The following NELL1 variants were observed in gnomAD, a reference collection of about 807,000 sequenced individuals.
NELL1 encodes the protein protein kinase C-binding protein NELL1.
NELL1 carries 76 observed loss-of-function variants against 107.4 expected under a neutral mutation model. That is an observed-to-expected ratio of 0.71 (90% confidence interval 0.59 to 0.86). The LOEUF (loss-of-function observed/expected upper bound fraction) is 0.86, where lower values mean the gene tolerates loss of function less well. Among genes scored for constraint, NELL1 ranks in the 40% least tolerant of loss-of-function variants. The probability of loss-of-function intolerance (pLI) is 0.00; values close to 1 mark genes in which losing one functional copy is unlikely to be tolerated. For missense variants in NELL1, 1,024 were observed against 1,005.5 expected (o/e 1.02, Z -0.25); for synonymous variants, 353 against 341.2 (o/e 1.03, Z -0.38).
chr11:21,232,148 A>AAG lies in NELL1; in HGVS notation c.1549+2695_1549+2696insGA, dbSNP rs200737626. ...AACTCCATCTCTACTAAAAAAAAATAAAAAAAAAAAAATATATATATATAT... is the reference window on the plus strand; with the variant it reads ...AACTCCATCTCTACTAAAAAAAAATAAGAAAAAAAAAAAATATATATATATAT... On this transcript the variant is annotated intron_variant, in intron 14 of 19. Transcript: ENST00000357134. Among the ~76,000 whole-genome samples the AAG allele has an allele frequency of 5.5e-4, 3 of 5,500 alleles. 1 individual carries two copies. The South Asian group carries it at 0.052, about 95-fold the overall frequency. The allele number at this position is 5,500 out of a possible 152,430, so 3.6% of individuals were successfully genotyped here. A position where few individuals can be genotyped will look rare whatever the true frequency, so the allele number is the denominator to read the frequency against.
At chr11:20,878,131 C>T (rs1259452476) in intron 4 of NELL1, among the ~76,000 whole-genome samples, 1 of 151,890 alleles carries the variant, frequency 6.6e-6, no homozygotes, top group South Asian at 2.1e-4. Context: ...GAGGCTGAGG[C>T]GGGTGGATCA....
chr11:20,997,727 G>A (rs1045227683), intron 12 of NELL1, among the ~76,000 whole-genome samples: 26 of 152,148 alleles, frequency 1.7e-4, no homozygotes, highest in African/African-American at 3.9e-4. Flanking sequence ...GGTGGCTTAC[G>A]CCTGTAATCT....
chr11:20,674,448 C>G, intron 1 of NELL1: 1 of 1,497,592 alleles, frequency 6.7e-7, no homozygotes, highest in South Asian at 1.2e-5. Flanking sequence ...GTACCAGTAT[C>G]TTTTTACACA....
At chr11:21,363,455 C>G (rs1851132676) in intron 14 of NELL1, among the ~76,000 whole-genome samples, 2 of 152,114 alleles carry the variant, frequency 1.3e-5, no homozygotes, top group African/African-American at 4.8e-5. Context: ...AGTTTTTCAC[C>G]TGTTTCACAG....
intron 3 of NELL1, among the ~76,000 whole-genome samples, chr11:20,835,932 T>G (rs1054374361): frequency 1.3e-5 from 2 of 152,116 alleles, no homozygotes; most frequent in African/African-American, 4.8e-5. Flanking sequence ...TTAAGTTAGA[T>G]TTTTATTAAA....
chr11:21,077,204 C>A (rs1854156861), intron 12 of NELL1, among the ~76,000 whole-genome samples: 1 of 152,002 alleles, frequency 6.6e-6, no homozygotes, highest in South Asian at 2.1e-4. Flanking sequence ...TAAAAATTCA[C>A]CTGAGTAACA....
chr11:20,913,243 T>G (rs1850171682), intron 5 of NELL1, among the ~76,000 whole-genome samples: 1 of 152,086 alleles, frequency 6.6e-6, no homozygotes, highest in African/African-American at 2.4e-5. Flanking sequence ...TCCCACCCCT[T>G]TTTCCTCTCT....
At chr11:21,227,274 T>C (rs761658040) in intron 13 of NELL1, among the ~76,000 whole-genome samples, 1 of 152,176 alleles carries the variant, frequency 6.6e-6, no homozygotes, top group East Asian at 1.9e-4. Flanking sequence ...CTAGTTTGCC[T>C]GGGTCATTCT....
At chr11:21,211,481 A>G (rs1857496223) in intron 13 of NELL1, among the ~76,000 whole-genome samples, 1 of 152,174 alleles carries the variant, frequency 6.6e-6, no homozygotes, top group Non-Finnish European at 1.5e-5. Flanking sequence ...TTTAAGACCA[A>G]TGGGAAGTAT....
At chr11:20,831,027 T>C (rs1003979445) in intron 3 of NELL1, among the ~76,000 whole-genome samples, 1 of 152,192 alleles carries the variant, frequency 6.6e-6, no homozygotes, top group African/African-American at 2.4e-5. Flanking sequence ...TTCTTAGTGT[T>C]TGAGAGTCAT....
intron 2 of NELL1, among the ~76,000 whole-genome samples, chr11:20,752,068 T>C (rs1400741437): frequency 6.6e-6 from 1 of 152,224 alleles, no homozygotes; most frequent in Non-Finnish European, 1.5e-5. Flanking sequence ...TTTCTTTTCT[T>C]GCCTTATTGC....
intron 13 of NELL1, among the ~76,000 whole-genome samples, chr11:21,126,268 C>T (rs1179849631): frequency 6.6e-6 from 1 of 152,074 alleles, no homozygotes; most frequent in African/African-American, 2.4e-5. Flanking sequence ...CAGACAAGAT[C>T]GGGTGCATTC....
intron 15 of NELL1, among the ~76,000 whole-genome samples, chr11:21,510,735 A>G (rs777072997): frequency 5.3e-5 from 8 of 152,010 alleles, no homozygotes; most frequent in Non-Finnish European, 8.8e-5. Flanking sequence ...TCTACTCTAT[A>G]TTTACTGTCC....
intron 15 of NELL1, among the ~76,000 whole-genome samples, chr11:21,462,736 G>A (rs893320240): frequency 2.0e-5 from 3 of 152,010 alleles, no homozygotes. Flanking sequence ...GAGAGTCAAG[G>A]AGGTCTATTT....
At chr11:21,409,290 A>T (rs1852310857) in intron 15 of NELL1, among the ~76,000 whole-genome samples, 1 of 152,094 alleles carries the variant, frequency 6.6e-6, no homozygotes, top group African/African-American at 2.4e-5. Context: ...AGGGACATGG[A>T]TGAAATTGGA....
intron 12 of NELL1, among the ~76,000 whole-genome samples, chr11:20,998,023 G>T (rs372554220): frequency 9.9e-5 from 15 of 152,048 alleles, no homozygotes; most frequent in Admixed American, 8.5e-4. Flanking sequence ...TAAATTCTTT[G>T]TACCTATGGA....
At chr11:21,466,622 C>A (rs975696341) in intron 15 of NELL1, among the ~76,000 whole-genome samples, 5 of 152,056 alleles carry the variant, frequency 3.3e-5, no homozygotes, top group Admixed American at 6.6e-5. Context: ...CAAAATCTTG[C>A]CTGGGACCCC....
intron 5 of NELL1, among the ~76,000 whole-genome samples, chr11:20,895,817 T>A (rs1849724934): frequency 6.6e-6 from 1 of 152,134 alleles, no homozygotes; most frequent in South Asian, 2.1e-4. Flanking sequence ...GATACTTGCC[T>A]TTTTTATGCC....
intron 12 of NELL1, among the ~76,000 whole-genome samples, chr11:21,087,652 G>A (rs1854426764): frequency 6.6e-6 from 1 of 152,144 alleles, no homozygotes; most frequent in Non-Finnish European, 1.5e-5. Flanking sequence ...AAATGCAGCA[G>A]GAAGGAGGGA....
Sources: gnomAD v4.1 joint callset for allele counts (sites outside exome capture counted in the v4.1 genomes callset) on GRCh38, gnomAD v4.1.1 for gene constraint, MANE v1.5 for transcripts, NCBI Gene and HGNC (gene_info 2026-07-23, HGNC 2026-07-21) for gene names.